Variants in CLVS1 observed in about 807,000 individuals in gnomAD.
CLVS1 encodes clavesin-1.
CLVS1 carries 10 observed loss-of-function variants against 33.1 expected under a neutral mutation model. The observed-to-expected ratio is 0.30, with a 90% CI of 0.19 to 0.51. CLVS1 has a LOEUF of 0.51. CLVS1 is among the 20% of genes least tolerant of loss of function. The pLI is 0.97. For missense variants in CLVS1, 343 were observed against 433.4 expected (o/e 0.79, Z 1.85); for synonymous variants, 163 against 166.1 (o/e 0.98, Z 0.14).
chr8:60,984,937 G>A, the CLVS1 span, among the ~76,000 whole-genome samples: 1 of 152,130 alleles, frequency 6.6e-6, no homozygotes, highest in East Asian at 1.9e-4. Flanking sequence ...GAATGAATCA[G>A]TGGTGGAGAA....
intron 1 of CLVS1, among the ~76,000 whole-genome samples, chr8:61,065,664 A>G (rs1463129839): frequency 6.6e-6 from 1 of 152,196 alleles, no homozygotes; most frequent in African/African-American, 2.4e-5. Flanking sequence ...TAACTAGAGT[A>G]TATTTTATTT....
chr8:61,038,844 C>T, the CLVS1 span, among the ~76,000 whole-genome samples: 18 of 152,170 alleles, frequency 1.2e-4, no homozygotes, highest in African/African-American at 4.1e-4. Flanking sequence ...CGGACACTCA[C>T]GAACACCTGT....
intron 2 of CLVS1, among the ~76,000 whole-genome samples, chr8:61,344,418 A>G (rs1300270999): frequency 6.6e-6 from 1 of 152,190 alleles, no homozygotes; most frequent in East Asian, 1.9e-4. Flanking sequence ...CATCTCAATG[A>G]CTGTCGAGAG....
chr8:61,386,113 A>G (rs551805336), intron 3 of CLVS1, among the ~76,000 whole-genome samples: 68 of 152,218 alleles, frequency 4.5e-4, no homozygotes, highest in Admixed American at 1.7e-3. Context: ...TTTATGAGCA[A>G]GAACTGAGGG....
chr8:61,164,873 C>G (rs572965859), intron 2 of CLVS1, among the ~76,000 whole-genome samples: 1 of 152,250 alleles, frequency 6.6e-6, no homozygotes, highest in East Asian at 1.9e-4. Flanking sequence ...GACCAAGAAC[C>G]CTGATGTTCC....
chr8:61,027,196 C>T, the CLVS1 span, among the ~76,000 whole-genome samples: 5 of 152,242 alleles, frequency 3.3e-5, no homozygotes, highest in African/African-American at 9.6e-5. Flanking sequence ...TGTCATCCCC[C>T]AAGAGTGAGA....
chr8:61,272,057 G>C (rs1324202618), intron 2 of CLVS1, among the ~76,000 whole-genome samples: 2 of 150,900 alleles, frequency 1.3e-5, no homozygotes, highest in African/African-American at 2.4e-5. Context: ...TGGTTATTTT[G>C]CTCGTTAGTT....
chr8:60,990,428 T>C, the CLVS1 span, among the ~76,000 whole-genome samples: 1 of 152,294 alleles, frequency 6.6e-6, no homozygotes, highest in East Asian at 1.9e-4. Flanking sequence ...TGACATGATG[T>C]CTTGCATTTG....
the CLVS1 span, among the ~76,000 whole-genome samples, chr8:60,983,257 T>A: frequency 1.3e-5 from 2 of 152,230 alleles, no homozygotes; most frequent in Admixed American, 6.5e-5. Context: ...GGCGCTCACA[T>A]AATTACCAAC....
At chr8:61,432,139 C>G (rs1816138308) in intron 3 of CLVS1, among the ~76,000 whole-genome samples, 1 of 152,170 alleles carries the variant, frequency 6.6e-6, no homozygotes, top group Non-Finnish European at 1.5e-5. Flanking sequence ...ATGAAAACAG[C>G]TATATAAAGC....
chr8:61,391,324 T>C (rs1426201782), intron 3 of CLVS1: 2 of 152,192 alleles, frequency 1.3e-5, no homozygotes, highest in Non-Finnish European at 2.9e-5. Flanking sequence ...GCCAGAATTG[T>C]TAGCAGTATA....
chr8:61,387,169 C>T (rs1200172585), intron 3 of CLVS1, among the ~76,000 whole-genome samples: 2 of 152,138 alleles, frequency 1.3e-5, no homozygotes, highest in East Asian at 1.9e-4. Flanking sequence ...GGGCAGATCA[C>T]CTGAGGTCAG....
chr8:61,288,598 C>T (rs1211799535), intron 1 of CLVS1, among the ~76,000 whole-genome samples: 2 of 152,178 alleles, frequency 1.3e-5, no homozygotes, highest in East Asian at 1.9e-4. Context: ...ACCCCAGGCA[C>T]GGGGACAGAT....
chr8:61,399,478 A>G (rs1191281889), intron 3 of CLVS1, among the ~76,000 whole-genome samples: 4 of 152,184 alleles, frequency 2.6e-5, no homozygotes, highest in African/African-American at 4.8e-5. Flanking sequence ...ATTTTATCCC[A>G]TTCTGCAGGT....
At position 61,276,284 on chromosome 8, in the gene CLVS1, C is replaced by T. The variant is rs574233702; in HGVS notation, c.-151-23393C>T. ...TTACACTCTATTTTCAATTTCTTCCCTTCCCTTCTTATTTCTTATTCCCTG... is the reference window on the plus strand; with the variant it reads ...TTACACTCTATTTTCAATTTCTTCCTTTCCCTTCTTATTTCTTATTCCCTG... On this transcript the variant is annotated intron_variant, in intron 2 of 2. Coordinates refer to the CLVS1 transcript ENST00000522621. Among the ~76,000 whole-genome samples the T allele has an allele frequency of 5.3e-5, 8 of 152,328 alleles. No individual in the cohort carries two copies. In the East Asian group the frequency reaches 1.5e-3, roughly 29 times the overall value.
chr8:61,291,254 T>A (rs1809979726), intron 1 of CLVS1, among the ~76,000 whole-genome samples: 1 of 152,184 alleles, frequency 6.6e-6, no homozygotes, highest in Non-Finnish European at 1.5e-5. Context: ...GTTCCCTGTG[T>A]GGTAGGCTAA....
At chr8:61,144,158 A>G (rs574667527) in intron 2 of CLVS1, among the ~76,000 whole-genome samples, 56 of 152,084 alleles carry the variant, frequency 3.7e-4, no homozygotes, top group Non-Finnish European at 7.2e-4. Context: ...CCATCAACCC[A>G]TCACCTACCT....
chr8:60,974,658 T>C, the CLVS1 span, among the ~76,000 whole-genome samples: 1 of 151,894 alleles, frequency 6.6e-6, no homozygotes, highest in Admixed American at 6.6e-5. Context: ...TTGGTTTTAG[T>C]CAACTGGTTT....
chr8:61,001,889 T>G, the CLVS1 span, among the ~76,000 whole-genome samples: 1 of 152,358 alleles, frequency 6.6e-6, no homozygotes, highest in East Asian at 1.9e-4. Context: ...AGAAGCCACT[T>G]TCATGAAATC....
Sources: allele counts gnomAD v4.1 joint callset (sites outside exome capture counted in the v4.1 genomes callset), GRCh38; gene constraint gnomAD v4.1.1; transcripts MANE v1.5; gene names NCBI Gene and HGNC (gene_info 2026-07-23, HGNC 2026-07-21).